Variants in ZNF831 observed in about 807,000 individuals in gnomAD.
ZNF831 encodes the protein chromosome 20 open reading frame 174.
Under a neutral mutation model 95.8 loss-of-function variants are expected in ZNF831, and 59 were observed. The observed-to-expected ratio is 0.62, with a 90% confidence interval of 0.50 to 0.77. The LOEUF is 0.77. Ranked by LOEUF, ZNF831 falls within the 30% of genes least tolerant of loss-of-function variation. The pLI is 0.00. For missense variants in ZNF831, 2,205 were observed against 2,164.0 expected, an observed-to-expected ratio of 1.02 and a Z score of -0.38; for synonymous variants, 961 against 925.5, an observed-to-expected ratio of 1.04 and a Z score of -0.70.
At position 59,191,139 on chromosome 20, in the gene ZNF831, CCTT is replaced by C. The variant is rs1983469963; in HGVS notation, c.123_125del (p.Leu42del). On this transcript the variant is annotated inframe_deletion, in exon 2 of 6. Coordinates refer to ENST00000371030, the MANE Select transcript of ZNF831 (RefSeq NM_178457.3). Reference sequence around the variant, plus strand: ...CACCTCACCTGACCCTGGGCCCTGTCCTTCTGCCGCCAGAGCAGGGCCTGGCCC... The same window carrying C: ...CACCTCACCTGACCCTGGGCCCTGTCCTGCCGCCAGAGCAGGGCCTGGCCC... 1.2e-6 allele frequency: 2 copies of C among 1,600,518 alleles called. No homozygotes were observed. Among genetic ancestry groups the C allele is most frequent in the East Asian group, 2.2e-5 (1 of 44,812 alleles).
chr20:59,173,678 A>G (rs1374929149), intron 1 of ZNF831, among the ~76,000 whole-genome samples: 1 of 152,184 alleles, frequency 6.6e-6, no homozygotes, highest in Non-Finnish European at 1.5e-5. Flanking sequence ...GGAGCTCAAC[A>G]CTGTGCTCAC....
rs1451469008 is a variant in ZNF831 at position 59,257,932 on chromosome 20, G to A, written c.*3189G>A. On this transcript the variant is annotated 3_prime_UTR_variant, in exon 6 of 6. Coordinates refer to ENST00000371030, the MANE Select transcript of ZNF831 (RefSeq NM_178457.3). ...TACCTACACCCAGCTAGATCTTGTC[G>A]TTAAAGATGTATGGAGGGAAGAGGT... 4 of 152,134 alleles carry A rather than the reference G, an allele frequency of 2.6e-5. No individual in the cohort carries two copies. Among genetic ancestry groups the A allele is most frequent in the Non-Finnish European group, 4.4e-5 (3 of 68,016 alleles). 9.4% of individuals were successfully genotyped at this position (152,134 alleles called of 1,614,324 possible). A position where few individuals can be genotyped will look rare whatever the true frequency, so the allele number is the denominator to read the frequency against.
intron 2 of ZNF831, among the ~76,000 whole-genome samples, chr20:59,148,572 C>T (rs541892251): frequency 2.9e-5 from 4 of 135,766 alleles, no homozygotes; most frequent in South Asian, 2.3e-4. Context: ...CCCAGCTACA[C>T]GGGAGGCTGA....
At position 59,192,341 on chromosome 20, in the gene ZNF831, A is replaced by G. The variant is rs779317275; in HGVS notation, c.1322A>G (p.Asp441Gly). The G allele has an allele frequency of 1.2e-6, 2 of 1,607,634 alleles. No individual in the cohort carries two copies. The highest frequency in any genetic ancestry group is 1.7e-6 in the Non-Finnish European group (2 of 1,177,344). Residue 441 changes from aspartate to glycine, a missense_variant, in exon 2 of 6, where the codon GAC becomes GGC. Transcript: ENST00000371030. The surrounding 1 kb of genome is among the most constrained non-coding windows in gnomAD (Gnocchi z 5.2). ...KTGLSKQGSIDLPTPYTYKDS... is the reference protein window; with the variant it reads ...KTGLSKQGSIGLPTPYTYKDS... ...GGGCTGTCCAAACAGGGCAGCATCG[A>G]CCTGCCCACGCCCTACACCTACAAG...
At position 59,258,112 on chromosome 20, in the gene ZNF831, A is replaced by G. The variant is rs1988264499; in HGVS notation, c.*3369A>G. 8.2e-6 allele frequency: 1 copy of G among 122,374 alleles called. No individual in the cohort carries two copies. The highest frequency in any genetic ancestry group is 3.7e-5 in the African/African-American group (1 of 26,944). 7.6% of individuals were successfully genotyped at this position (122,374 alleles called of 1,614,324 possible). On this transcript the variant is annotated 3_prime_UTR_variant, in exon 6 of 6. Transcript: ENST00000371030. ...ACCCTTGAGATTTGAGACAAAGCTA[A>G]TAATCCCCTTTGGTTCACATCTCAC...
chr20:59,141,458 C>T (rs900149538), intron 1 of ZNF831, among the ~76,000 whole-genome samples: 7 of 152,154 alleles, frequency 4.6e-5, no homozygotes, highest in Admixed American at 2.0e-4. Flanking sequence ...GCTCCAGCAC[C>T]GTTTGTTGAA....
At chr20:59,203,356 C>CAT (rs1984662508) in intron 3 of ZNF831, among the ~76,000 whole-genome samples, 1 of 152,130 alleles carries the variant, frequency 6.6e-6, no homozygotes, top group Admixed American at 6.6e-5. Flanking sequence ...GCCCAGGCTG[C>CAT]AGGGCAGTGG....
At chr20:59,185,850 T>A (rs1982985230) in intron 1 of ZNF831, among the ~76,000 whole-genome samples, 1 of 152,180 alleles carries the variant, frequency 6.6e-6, no homozygotes, top group Non-Finnish European at 1.5e-5. Context: ...CTTGTACTCA[T>A]CCAGTTTCCT....
At chr20:59,233,341 C>A (rs1318663549) in intron 4 of ZNF831, among the ~76,000 whole-genome samples, 4 of 152,086 alleles carry the variant, frequency 2.6e-5, no homozygotes, top group Non-Finnish European at 4.4e-5. Context: ...GGCCTAGGTT[C>A]TTCTCCCAAC....
At chr20:59,216,087 T>C (rs1985661356) in intron 4 of ZNF831, among the ~76,000 whole-genome samples, 1 of 152,198 alleles carries the variant, frequency 6.6e-6, no homozygotes, top group South Asian at 2.1e-4. Context: ...AATTCAGTTT[T>C]ATTTAACTTT....
intron 2 of ZNF831, among the ~76,000 whole-genome samples, chr20:59,154,491 C>T (rs1018196302): frequency 6.6e-6 from 1 of 152,194 alleles, no homozygotes; most frequent in African/African-American, 2.4e-5. Context: ...ACTTTCCTCC[C>T]ATCCTGCAGC....
intron 1 of ZNF831, among the ~76,000 whole-genome samples, chr20:59,139,628 A>C (rs1220364578): frequency 6.6e-6 from 1 of 152,308 alleles, no homozygotes; most frequent in East Asian, 1.9e-4. Context: ...GCCCTCTTTT[A>C]ACCCCTATGA....
At chr20:59,195,293 G>T (rs1984001356) in intron 2 of ZNF831, among the ~76,000 whole-genome samples, 1 of 152,226 alleles carries the variant, frequency 6.6e-6, no homozygotes, top group African/African-American at 2.4e-5. Flanking sequence ...AAATGATAAT[G>T]CAGAGCTCCA....
chr20:59,166,659 A>G (rs724138), intron 1 of ZNF831, among the ~76,000 whole-genome samples: 26 of 152,210 alleles, frequency 1.7e-4, no homozygotes, highest in African/African-American at 6.0e-4. Flanking sequence ...AGAATGTTAT[A>G]TGAATGGAAT....
intron 1 of ZNF831, among the ~76,000 whole-genome samples, chr20:59,137,840 C>T (rs1979559083): frequency 2.6e-5 from 4 of 152,192 alleles, no homozygotes; most frequent in African/African-American, 4.8e-5. Context: ...CTAAGCCCTT[C>T]ATTTCAATTC....
chr20:59,180,813 T>G (rs1479320277), intron 1 of ZNF831, among the ~76,000 whole-genome samples: 1 of 152,262 alleles, frequency 6.6e-6, no homozygotes, highest in African/African-American at 2.4e-5. Flanking sequence ...TTTGCTATTG[T>G]AAATAGTGCT....
At chr20:59,222,528 C>T (rs1010327427) in intron 4 of ZNF831, among the ~76,000 whole-genome samples, 1 of 151,854 alleles carries the variant, frequency 6.6e-6, no homozygotes, top group African/African-American at 2.4e-5. Flanking sequence ...CCTCACATAA[C>T]CTCAAAAGTT....
intron 4 of ZNF831, among the ~76,000 whole-genome samples, chr20:59,229,137 G>T (rs1600659566): frequency 6.6e-6 from 1 of 152,164 alleles, no homozygotes; most frequent in Non-Finnish European, 1.5e-5. Context: ...TGATAGAATT[G>T]TATTCCTTTT....
At chr20:59,236,997 G>A (rs764051966) in intron 4 of ZNF831, among the ~76,000 whole-genome samples, 29 of 152,086 alleles carry the variant, frequency 1.9e-4, no homozygotes, top group Admixed American at 7.2e-4. Context: ...ACTCCAGGAC[G>A]CATTTCCACA....
Sources: allele counts gnomAD v4.1 joint callset (sites outside exome capture counted in the v4.1 genomes callset), GRCh38; gene constraint gnomAD v4.1.1; non-coding constraint Gnocchi (gnomAD v3.1); transcripts MANE v1.5; gene names NCBI Gene and HGNC (gene_info 2026-07-23, HGNC 2026-07-21).